ENOX1: variants seen among roughly 807,000 people sequenced by gnomAD.
ENOX1 encodes candidate growth-related and time keeping constitutive hydroquinone (NADH) oxidase.
ENOX1 carries 42 observed loss-of-function variants against 82.5 expected under a neutral mutation model. The observed-to-expected ratio is 0.51, with a 90% confidence interval of 0.40 to 0.66. The LOEUF (loss-of-function observed/expected upper bound fraction) is 0.66. ENOX1 is among the 30% of genes least tolerant of loss of function. ENOX1 has a pLI of 0.00. For missense variants in ENOX1, 608 were observed against 811.6 expected, an observed-to-expected ratio of 0.75 and a Z score of 3.05; for synonymous variants, 271 against 282.2, an observed-to-expected ratio of 0.96 and a Z score of 0.40.
At chr13:43,424,050 A>G (rs1594515456) in intron 3 of ENOX1, among the ~76,000 whole-genome samples, 1 of 152,336 alleles carries the variant, frequency 6.6e-6, no homozygotes, top group Middle Eastern at 3.4e-3. Context: ...CAGGCTTCAA[A>G]GATATAGCCA....
chr13:43,660,315 CA>C (rs2084657074), intron 2 of ENOX1, among the ~76,000 whole-genome samples: 1 of 152,178 alleles, frequency 6.6e-6, no homozygotes, highest in African/African-American at 2.4e-5. Flanking sequence ...ATCCCTTAAA[CA>C]TCATTTTAAT....
At chr13:43,472,806 C>T (rs17064639) in intron 3 of ENOX1, among the ~76,000 whole-genome samples, 4,206 of 152,112 alleles carry the variant, frequency 0.028, 92 homozygotes, top group South Asian at 0.079. Context: ...AAGCTGGGTA[C>T]GGAAATTTCA....
At chr13:43,765,237 A>G (rs1202473771) in intron 1 of ENOX1, among the ~76,000 whole-genome samples, 1 of 152,228 alleles carries the variant, frequency 6.6e-6, no homozygotes, top group Non-Finnish European at 1.5e-5. Flanking sequence ...AAGGAAAAAC[A>G]TCAAACTGGG....
intron 1 of ENOX1, among the ~76,000 whole-genome samples, chr13:43,780,276 T>C (rs1952188528): frequency 2.7e-5 from 4 of 149,710 alleles, no homozygotes; most frequent in South Asian, 2.1e-4. Flanking sequence ...AAGAAATACA[T>C]AGTATGATAT....
At chr13:43,253,426 T>C (rs974817844) in intron 14 of ENOX1, among the ~76,000 whole-genome samples, 2 of 152,118 alleles carry the variant, frequency 1.3e-5, no homozygotes, top group African/African-American at 4.8e-5. Flanking sequence ...TGTGAAGAAA[T>C]AGAGAATGAC....
intron 2 of ENOX1, among the ~76,000 whole-genome samples, chr13:43,617,715 C>T (rs977208013): frequency 4.6e-5 from 7 of 152,184 alleles, no homozygotes; most frequent in African/African-American, 1.4e-4. Flanking sequence ...CAAATAATGA[C>T]TTCTTTTCCT....
intron 12 of ENOX1, among the ~76,000 whole-genome samples, chr13:43,270,201 C>A (rs2044607159): frequency 6.6e-6 from 1 of 152,274 alleles, no homozygotes; most frequent in South Asian, 2.1e-4. Flanking sequence ...CTTGCCCTAT[C>A]AACTGTAACT....
At chr13:43,626,541 C>T (rs144876659) in intron 2 of ENOX1, among the ~76,000 whole-genome samples, 226 of 151,702 alleles carry the variant, frequency 1.5e-3, no homozygotes, top group African/African-American at 4.8e-3. Flanking sequence ...TTTATGTCCC[C>T]GATACTCTGA....
intron 9 of ENOX1, among the ~76,000 whole-genome samples, chr13:43,343,104 C>A (rs1235044977): frequency 2.6e-5 from 4 of 152,160 alleles, no homozygotes; most frequent in African/African-American, 9.7e-5. Context: ...ATACAGTAAT[C>A]ATTTCACTGT....
chr13:43,460,536 C>A (rs1238886493), intron 3 of ENOX1, among the ~76,000 whole-genome samples: 2 of 152,034 alleles, frequency 1.3e-5, no homozygotes, highest in East Asian at 3.9e-4. Context: ...CTCAGTGGCT[C>A]ACGCCTGTAA....
At chr13:43,232,222 C>G (rs34931453) in intron 15 of ENOX1, among the ~76,000 whole-genome samples, 1 of 151,762 alleles carries the variant, frequency 6.6e-6, no homozygotes, top group African/African-American at 2.4e-5. Flanking sequence ...GCGTGAGCCA[C>G]CACACCTGTG....
chr13:43,270,936 C>T (rs970545148), intron 12 of ENOX1, among the ~76,000 whole-genome samples: 3 of 152,136 alleles, frequency 2.0e-5, no homozygotes, highest in African/African-American at 7.2e-5. Context: ...AACCAAGGAG[C>T]CCATTTTGCA....
chr13:43,449,373 G>C (rs774961335), intron 3 of ENOX1, among the ~76,000 whole-genome samples: 5 of 152,160 alleles, frequency 3.3e-5, no homozygotes, highest in Non-Finnish European at 5.9e-5. Context: ...TTAGACACTG[G>C]TTGGGCAGTA....
intron 2 of ENOX1, among the ~76,000 whole-genome samples, chr13:43,589,617 A>G (rs1005758380): frequency 1.9e-4 from 16 of 84,662 alleles, no homozygotes; most frequent in Non-Finnish European, 3.6e-4. Flanking sequence ...CAATTCTCCC[A>G]CCTCGACCTC....
chr13:43,425,142 C>T (rs2055216232), intron 3 of ENOX1, among the ~76,000 whole-genome samples: 1 of 152,126 alleles, frequency 6.6e-6, no homozygotes, highest in South Asian at 2.1e-4. Flanking sequence ...AAGCTGAATC[C>T]TGGTTATTTC....
chr13:43,353,524 C>T (rs184175022), intron 8 of ENOX1, among the ~76,000 whole-genome samples: 201 of 152,262 alleles, frequency 1.3e-3, no homozygotes, highest in Admixed American at 1.9e-3. Context: ...TTTATGTCCC[C>T]ACATCAATGA....
intron 1 of ENOX1, among the ~76,000 whole-genome samples, chr13:43,687,525 G>A (rs1232814591): frequency 6.6e-6 from 1 of 152,074 alleles, no homozygotes; most frequent in African/African-American, 2.4e-5. Flanking sequence ...TTTCATGATT[G>A]GCTCCCTTAA....
intron 3 of ENOX1, among the ~76,000 whole-genome samples, chr13:43,446,746 G>T (rs2056670331): frequency 6.6e-6 from 1 of 152,162 alleles, no homozygotes; most frequent in South Asian, 2.1e-4. Flanking sequence ...AAATCAGCTT[G>T]GTTCTCATGT....
intron 2 of ENOX1, among the ~76,000 whole-genome samples, chr13:43,499,610 G>A (rs2076909904): frequency 6.6e-6 from 1 of 151,934 alleles, no homozygotes; most frequent in Non-Finnish European, 1.5e-5. Context: ...GACTTGTGGA[G>A]GGCTTTCCCT....
Sources: gnomAD v4.1 joint callset for allele counts (sites outside exome capture counted in the v4.1 genomes callset) on GRCh38, gnomAD v4.1.1 for gene constraint, MANE v1.5 for transcripts, NCBI Gene and HGNC (gene_info 2026-07-23, HGNC 2026-07-21) for gene names.